Variants in LOXHD1 observed in about 807,000 individuals in gnomAD.
LOXHD1 encodes the protein lipoxygenase homology PLAT domains 1.
Under a neutral mutation model 248.2 loss-of-function variants are expected in LOXHD1, and 205 were observed. The ratio of observed to expected loss-of-function variants is 0.83; its 90% CI spans 0.74 to 0.93. LOXHD1 has a LOEUF of 0.93. Ranked by LOEUF, LOXHD1 falls within the 40% of genes least tolerant of loss-of-function variation. The pLI is 0.00. For synonymous variants in LOXHD1, 1,113 were observed against 1,162.8 expected (o/e 0.96, Z 0.87); for missense variants, 2,930 against 2,971.6 (o/e 0.99, Z 0.33).
At chr18:46,600,023 A>G (rs538781675) in intron 8 of LOXHD1, among the ~76,000 whole-genome samples, 82 of 152,322 alleles carry the variant, frequency 5.4e-4, no homozygotes, top group African/African-American at 1.9e-3. Flanking sequence ...TGGAAATAAT[A>G]GTTATCCTAT....
At chr18:46,627,681 G>A (rs1034866674) in intron 4 of LOXHD1, among the ~76,000 whole-genome samples, 1 of 152,150 alleles carries the variant, frequency 6.6e-6, no homozygotes, top group African/African-American at 2.4e-5. Flanking sequence ...AAAATATGAG[G>A]TGGAGGATCC....
At chr18:46,579,427 C>A (rs183064683) in intron 13 of LOXHD1, among the ~76,000 whole-genome samples, 1 of 152,160 alleles carries the variant, frequency 6.6e-6, no homozygotes, top group Non-Finnish European at 1.5e-5. Context: ...ACTCAGGAAC[C>A]AAATACACTA....
intron 18 of LOXHD1, among the ~76,000 whole-genome samples, chr18:46,562,827 C>G (rs2037557058): frequency 6.6e-6 from 1 of 152,150 alleles, no homozygotes; most frequent in Non-Finnish European, 1.5e-5. Context: ...GCACTTTTTT[C>G]TTAAAGCTCC....
chr18:46,649,004 C>G (rs1401133638), intron 2 of LOXHD1, 151 bp downstream of exon 2: 2 of 660,070 alleles, frequency 3.0e-6, no homozygotes, highest in Non-Finnish European at 5.4e-6. Flanking sequence ...CCAGCTGGTA[C>G]ACGGTCTGTC....
intron 29 of LOXHD1, 116 bp downstream of exon 29, chr18:46,529,061 T>C (rs1048947751): frequency 4.7e-6 from 6 of 1,273,968 alleles, no homozygotes; most frequent in Non-Finnish European, 6.6e-6. Flanking sequence ...CCCAAATGAG[T>C]GTGCACAATG....
chr18:46,600,706 C>A (rs1488020363), intron 8 of LOXHD1, among the ~76,000 whole-genome samples: 2 of 152,014 alleles, frequency 1.3e-5, no homozygotes, highest in East Asian at 3.9e-4. Flanking sequence ...TAGTATGTGC[C>A]CTTTGAGGGA....
At chr18:46,542,064 C>T (rs2036584393) in intron 24 of LOXHD1, 124 bp from the exon 25 acceptor site, 5 of 877,406 alleles carry the variant, frequency 5.7e-6, no homozygotes, top group Non-Finnish European at 8.5e-6. Flanking sequence ...CATGACATCC[C>T]TTTTGCTTGC....
intron 37 of LOXHD1, among the ~76,000 whole-genome samples, chr18:46,492,497 A>G (rs34638309): frequency 0.053 from 8,038 of 152,268 alleles, 242 homozygotes; most frequent in Admixed American, 0.078. Context: ...CTCGCTCACT[A>G]TCACAAGAAC....
At chr18:46,590,574 G>C (rs918127277) in intron 12 of LOXHD1, among the ~76,000 whole-genome samples, 3 of 152,188 alleles carry the variant, frequency 2.0e-5, no homozygotes, top group African/African-American at 7.2e-5. Context: ...TATCAGGTTA[G>C]TGCAAAAGTA....
chr18:46,523,892 T>G (rs185384930), intron 31 of LOXHD1, among the ~76,000 whole-genome samples: 1 of 152,304 alleles, frequency 6.6e-6, no homozygotes, highest in East Asian at 1.9e-4. Context: ...ATAGCATGGT[T>G]GTCACACTCT....
At chr18:46,546,071 G>C (rs953108494) in intron 22 of LOXHD1, among the ~76,000 whole-genome samples, 5 of 152,112 alleles carry the variant, frequency 3.3e-5, no homozygotes, top group South Asian at 4.1e-4. Flanking sequence ...TGATAGGATG[G>C]TTAGGGGATA....
chr18:46,534,240 C>T (rs937113253), intron 27 of LOXHD1, 95 bp downstream of exon 27: 10 of 781,958 alleles, frequency 1.3e-5, no homozygotes, highest in African/African-American at 1.7e-5. Flanking sequence ...CTCAATAAGG[C>T]TGATCTAGCC....
chr18:46,554,816 T>C (rs1039121014), intron 21 of LOXHD1, among the ~76,000 whole-genome samples: 8 of 152,184 alleles, frequency 5.3e-5, no homozygotes, highest in African/African-American at 1.9e-4. Flanking sequence ...GTGTAGGAAA[T>C]TGTAAAGCAT....
intron 1 of LOXHD1, among the ~76,000 whole-genome samples, chr18:46,656,551 G>A (rs536749535): frequency 2.0e-5 from 3 of 152,324 alleles, no homozygotes; most frequent in African/African-American, 7.2e-5. Flanking sequence ...AGTTCAGGGC[G>A]CTCTGCCTGA....
chr18:46,584,014 A>G (rs773821996), intron 12 of LOXHD1, among the ~76,000 whole-genome samples: 1 of 152,220 alleles, frequency 6.6e-6, no homozygotes, highest in African/African-American at 2.4e-5. Context: ...CGATTCAGCC[A>G]CAAAAAAAGG....
Position 46,550,301 on chromosome 18 carries a change from C to T in LOXHD1, c.3351-3243G>A, listed in dbSNP as rs374277965. Among the ~76,000 whole-genome samples, 190 of 151,644 alleles carry T rather than the reference C, an allele frequency of 1.3e-3. 1 individual carries two copies. The highest frequency in any genetic ancestry group is 3.3e-3 in the East Asian group (17 of 5,100). The stretch of plus-strand genomic sequence containing the variant: ...TAAGAGTCAGCGTGTGGGCCGGGCA[C>T]GGTGGCTCACGCCAGTAATCCCAGC... On this transcript the variant is annotated intron_variant, in intron 21 of 40. Transcript: ENST00000642948.
chr18:46,618,398 A>C (rs768337897), intron 4 of LOXHD1, 108 bp from the exon 5 acceptor site: 1 of 725,228 alleles, frequency 1.4e-6, no homozygotes, highest in Non-Finnish European at 2.4e-6. Context: ...GCAATGCATA[A>C]ATTGTCACCA....
chr18:46,537,667 A>C (rs546332791), intron 26 of LOXHD1, among the ~76,000 whole-genome samples: 2 of 152,324 alleles, frequency 1.3e-5, no homozygotes, highest in South Asian at 4.1e-4. Flanking sequence ...CATTGTCAAG[A>C]CCTGATGGGA....
rs765846997 is a variant in LOXHD1 at position 46,534,368 on chromosome 18, G to A, written c.4179C>T (p.His1393=). ...CCGGGAGGAGCCTGCGGATGTCCAC[G>A]TGAGAGCAGTGCCACCCAGGATTCA... ...TGMNPGWHCS[H]VDIRRLLPDK... The change falls in exon 27 of 41, where the codon CAC becomes CAT. Residue 1393 remains histidine, a synonymous_variant. Transcript: ENST00000642948. The A allele has an allele frequency of 7.1e-6, 11 of 1,551,528 alleles. No individual in the cohort carries two copies. In the African/African-American group the frequency reaches 1.2e-4, roughly 17 times the overall value.
Sources: gnomAD v4.1 joint callset for allele counts (sites outside exome capture counted in the v4.1 genomes callset) on GRCh38, gnomAD v4.1.1 for gene constraint, MANE v1.5 for transcripts, NCBI Gene and HGNC (gene_info 2026-07-23, HGNC 2026-07-21) for gene names.